The following HIVEP3 variants were observed in gnomAD, a reference collection of about 807,000 sequenced individuals.
HIVEP3 encodes the protein HIVEP zinc finger 3.
Under a neutral mutation model 152.8 loss-of-function variants are expected in HIVEP3, and 49 were observed. The ratio of observed to expected loss-of-function variants is 0.32; its 90% confidence interval spans 0.26 to 0.41. The LOEUF (loss-of-function observed/expected upper bound fraction) is 0.41. HIVEP3 is among the 10% of genes least tolerant of loss of function. The probability of loss-of-function intolerance (pLI) is 1.00; values close to 1 mark genes in which losing one functional copy is unlikely to be tolerated. For missense variants in HIVEP3, 2,790 were observed against 3,103.3 expected, an observed-to-expected ratio of 0.90 and a Z score of 2.40; for synonymous variants, 1,269 against 1,289.0, an observed-to-expected ratio of 0.98 and a Z score of 0.33.
intron 5 of HIVEP3, among the ~76,000 whole-genome samples, chr1:41,546,314 ACCCCAAT>A (rs1643803595): frequency 6.6e-6 from 1 of 152,122 alleles, no homozygotes; most frequent in African/African-American, 2.4e-5. Context: ...GCCTCTCTCT[ACCCCAAT>A]CTGTGCTCGA....
At chr1:41,901,682 G>A (rs1644626419) in intron 1 of HIVEP3, among the ~76,000 whole-genome samples, 1 of 152,184 alleles carries the variant, frequency 6.6e-6, no homozygotes, top group African/African-American at 2.4e-5. Flanking sequence ...TTAAGACGCA[G>A]GTCAGAGGTG....
chr1:41,801,049 T>C (rs567599346), intron 1 of HIVEP3, among the ~76,000 whole-genome samples: 1 of 152,094 alleles, frequency 6.6e-6, no homozygotes, highest in South Asian at 2.1e-4. Context: ...TTAAATAAAG[T>C]CACAAAGGAC....
chr1:41,571,914 T>A (rs2492071), intron 5 of HIVEP3, among the ~76,000 whole-genome samples: 150,809 of 152,272 alleles, frequency 0.99, 74,694 homozygotes, highest in East Asian at 1. Context: ...TGGCACCAAC[T>A]TTGGAGTTCT....
At chr1:41,949,423 C>T (rs1038109530) in intron 1 of HIVEP3, among the ~76,000 whole-genome samples, 1 of 152,258 alleles carries the variant, frequency 6.6e-6, no homozygotes, top group Non-Finnish European at 1.5e-5. Context: ...ACCAACTTAA[C>T]TCCCTAGCAA....
chr1:41,663,181 G>C (rs2124050967), intron 2 of HIVEP3, among the ~76,000 whole-genome samples: 1 of 152,354 alleles, frequency 6.6e-6, no homozygotes, highest in Admixed American at 6.5e-5. Context: ...CTCTCTCCGT[G>C]ATCTGTTATT....
At chr1:41,945,788 A>G (rs1645071550) in intron 1 of HIVEP3, among the ~76,000 whole-genome samples, 1 of 152,194 alleles carries the variant, frequency 6.6e-6, no homozygotes, top group Non-Finnish European at 1.5e-5. Context: ...AGAAAATCCT[A>G]CCGCCTTTCT....
intron 1 of HIVEP3, among the ~76,000 whole-genome samples, chr1:41,805,107 C>G (rs905487330): frequency 6.6e-6 from 1 of 152,284 alleles, no homozygotes; most frequent in African/African-American, 2.4e-5. Context: ...GAGGCTGAGG[C>G]GGGCACATCG....
chr1:41,713,282 C>T (rs1361975549), intron 1 of HIVEP3, among the ~76,000 whole-genome samples: 1 of 152,190 alleles, frequency 6.6e-6, no homozygotes, highest in African/African-American at 2.4e-5. Context: ...TCTGGGTCTG[C>T]TCTTTGTCCC....
At chr1:41,688,666 G>T (rs60047540) in intron 2 of HIVEP3, among the ~76,000 whole-genome samples, 1,998 of 152,274 alleles carry the variant, frequency 0.013, 47 homozygotes, top group African/African-American at 0.046. Context: ...GTAGGAATCC[G>T]TCCAAACACA....
chr1:41,702,777 A>G (rs780035793), intron 1 of HIVEP3, among the ~76,000 whole-genome samples: 1 of 152,240 alleles, frequency 6.6e-6, no homozygotes, highest in Non-Finnish European at 1.5e-5. Context: ...TTGCTAAAAC[A>G]GTCTTGGAGG....
intron 1 of HIVEP3, among the ~76,000 whole-genome samples, chr1:41,777,950 C>T (rs1014908209): frequency 6.6e-6 from 1 of 152,244 alleles, no homozygotes; most frequent in African/African-American, 2.4e-5. Flanking sequence ...GTGGAGCTTG[C>T]AACGTCACAC....
intron 1 of HIVEP3, among the ~76,000 whole-genome samples, chr1:41,914,028 T>C (rs901827341): frequency 1.6e-4 from 24 of 152,184 alleles, no homozygotes; most frequent in African/African-American, 5.8e-4. Context: ...AGATCACCCC[T>C]ACTTCATATT....
At chr1:42,024,858 A>T (rs1234806146) in intron 1 of HIVEP3, among the ~76,000 whole-genome samples, 1 of 152,216 alleles carries the variant, frequency 6.6e-6, no homozygotes, top group East Asian at 1.9e-4. Flanking sequence ...ATTATTCTTG[A>T]AAGGTACTTT....
intron 1 of HIVEP3, among the ~76,000 whole-genome samples, chr1:41,805,740 G>C (rs1350411050): frequency 6.6e-6 from 1 of 152,212 alleles, no homozygotes; most frequent in Non-Finnish European, 1.5e-5. Context: ...AGAGAGAAGG[G>C]AATAAGGCAT....
chr1:41,851,289 C>CTTTTTTTTT (rs34180186), intron 1 of HIVEP3, among the ~76,000 whole-genome samples: 33 of 59,800 alleles, frequency 5.5e-4, no homozygotes, highest in East Asian at 2.9e-3. Flanking sequence ...TCTTCTTCTT[C>CTTTTTTTTT]TTTTTTTTTT....
At chr1:41,835,477 T>C (rs886294125) in intron 1 of HIVEP3, among the ~76,000 whole-genome samples, 4 of 152,196 alleles carry the variant, frequency 2.6e-5, no homozygotes, top group African/African-American at 9.7e-5. Flanking sequence ...TAACTCAATA[T>C]CCAAAAGGTG....
chr1:41,863,092 G>A (rs1016878789), intron 1 of HIVEP3, among the ~76,000 whole-genome samples: 8 of 152,208 alleles, frequency 5.3e-5, no homozygotes, highest in South Asian at 2.1e-4. Context: ...TTTCACAGGC[G>A]TTCCTCCTCC....
At chr1:41,517,735 A>G (rs1642648690) in intron 7 of HIVEP3, among the ~76,000 whole-genome samples, 1 of 152,222 alleles carries the variant, frequency 6.6e-6, no homozygotes, top group Non-Finnish European at 1.5e-5. Flanking sequence ...GTGCTCAGCC[A>G]GACCCACTGG....
At chr1:41,545,303 TACC>T (rs1399918997) in intron 5 of HIVEP3, among the ~76,000 whole-genome samples, 4 of 74,820 alleles carry the variant, frequency 5.3e-5, no homozygotes, top group Non-Finnish European at 1.1e-4. Flanking sequence ...TCACCACCTC[TACC>T]ACCATCGCTA....
Sources: gnomAD v4.1 joint callset for allele counts (sites outside exome capture counted in the v4.1 genomes callset) on GRCh38, gnomAD v4.1.1 for gene constraint, MANE v1.5 for transcripts, NCBI Gene and HGNC (gene_info 2026-07-23, HGNC 2026-07-21) for gene names.